Variants in PDZRN3 observed in about 807,000 individuals in gnomAD.
PDZRN3 encodes E3 ubiquitin-protein ligase PDZRN3.
In PDZRN3, 38 loss-of-function variants were observed where a neutral mutation model predicts 85.7. The ratio of observed to expected loss-of-function variants is 0.44; its 90% CI spans 0.34 to 0.58. The LOEUF (loss-of-function observed/expected upper bound fraction) is 0.58. Among genes scored for constraint, PDZRN3 ranks in the 20% least tolerant of loss-of-function variants. The pLI, the probability that PDZRN3 is intolerant of heterozygous loss-of-function variation, is 0.01. For synonymous variants in PDZRN3, 759 were observed against 638.0 expected, an observed-to-expected ratio of 1.19 and a Z score of -2.86; for missense variants, 1,629 against 1,506.4, an observed-to-expected ratio of 1.08 and a Z score of -1.35.
At chr3:73,449,617 GAAC>G (rs1559685608) in intron 3 of PDZRN3, among the ~76,000 whole-genome samples, 2 of 152,050 alleles carry the variant, frequency 1.3e-5, no homozygotes. Context: ...TTAAATAAGC[GAAC>G]AACGCGTGTA....
At chr3:73,387,467 C>T (rs141289126) in intron 8 of PDZRN3, among the ~76,000 whole-genome samples, 297 of 152,324 alleles carry the variant, frequency 1.9e-3, no homozygotes, top group African/African-American at 7.0e-3. Flanking sequence ...TGGGAACTTC[C>T]ATCTCCTGGG....
At chr3:73,498,556 G>A (rs1432251664) in intron 3 of PDZRN3, among the ~76,000 whole-genome samples, 1 of 151,878 alleles carries the variant, frequency 6.6e-6, no homozygotes, top group Non-Finnish European at 1.5e-5. Context: ...AGGAGAAAGG[G>A]GGAGATGCTC....
In PDZRN3 at chr3:73,498,315, A is replaced by G. The variant is rs570575198; in HGVS notation, c.919-93920T>C. Among the ~76,000 whole-genome samples the G allele has an allele frequency of 4.6e-5, 7 of 152,288 alleles. No homozygotes were observed. The East Asian group carries it at 1.2e-3, about 25-fold the overall frequency. The stretch of plus-strand genomic sequence containing the variant: ...AGCTCCTGGCCTTCCCAGCTGGGAT[A>G]AGTAGACATTCAGTGGTTAGTGTTG... On this transcript the variant is annotated intron_variant, in intron 3 of 9. Transcript: ENST00000263666.
At chr3:73,572,883 T>C (rs1207698462) in intron 3 of PDZRN3, among the ~76,000 whole-genome samples, 1 of 152,104 alleles carries the variant, frequency 6.6e-6, no homozygotes, top group Admixed American at 6.5e-5. Flanking sequence ...TGGAAAAAAT[T>C]GTTGGAATTT....
At chr3:73,568,921 G>C (rs1701998258) in intron 3 of PDZRN3, among the ~76,000 whole-genome samples, 1 of 152,208 alleles carries the variant, frequency 6.6e-6, no homozygotes, top group African/African-American at 2.4e-5. Context: ...CAGTCTTTAA[G>C]AGAGATTTGC....
chr3:73,525,318 G>A (rs1281706054), intron 3 of PDZRN3, among the ~76,000 whole-genome samples: 3 of 152,072 alleles, frequency 2.0e-5, no homozygotes, highest in Non-Finnish European at 4.4e-5. Flanking sequence ...TATATGCAGA[G>A]GAATGCCATG....
intron 5 of PDZRN3, among the ~76,000 whole-genome samples, chr3:73,400,101 G>A (rs1284598376): frequency 5.3e-5 from 8 of 152,140 alleles, no homozygotes; most frequent in Non-Finnish European, 1.0e-4. Context: ...TTTTTCCTGG[G>A]TGACCTTTTG....
rs1333080848 is a variant in PDZRN3, at chr3:73,624,176, T to C, written c.650A>G (p.Gln217Arg). 4 of 1,503,086 alleles carry C rather than the reference T, an allele frequency of 2.7e-6. No individual in the cohort carries two copies. The highest frequency in any genetic ancestry group is 1.4e-5 in the African/African-American group (1 of 69,264). 93.1% of individuals were successfully genotyped at this position (1,503,086 alleles called of 1,614,324 possible). ...LELQMTALRYQKKFTEYSARL... is the reference protein window; with the variant it reads ...LELQMTALRYRKKFTEYSARL... ...CGCGCTGTATTCGGTGAATTTCTTC[T>C]GGTAGCGCAGCGCGGTCATCTGCAG... The change falls in exon 1 of 10, where the codon CAG becomes CGG. Residue 217 changes from glutamine (Q) to arginine (R), a missense_variant. Gln to Arg is a conservative substitution (Grantham distance 43). Coordinates refer to ENST00000263666, the MANE Select transcript of PDZRN3 (RefSeq NM_015009.3).
chr3:73,455,213 T>A (rs1702954918), intron 3 of PDZRN3, among the ~76,000 whole-genome samples: 1 of 152,204 alleles, frequency 6.6e-6, no homozygotes, highest in South Asian at 2.1e-4. Context: ...TTAAGTACCA[T>A]TTGTTATTTC....
intron 3 of PDZRN3, among the ~76,000 whole-genome samples, chr3:73,444,342 G>C (rs1702706434): frequency 6.6e-6 from 1 of 152,166 alleles, no homozygotes; most frequent in African/African-American, 2.4e-5. Context: ...CCAGTTTCTT[G>C]AGGGCATGTC....
chr3:73,488,484 T>G (rs1206928910), intron 3 of PDZRN3, among the ~76,000 whole-genome samples: 1 of 152,138 alleles, frequency 6.6e-6, no homozygotes, highest in Admixed American at 6.5e-5. Context: ...GGAACAATCT[T>G]CCCAGCTCTT....
At chr3:73,476,631 C>T (rs1703456561) in intron 3 of PDZRN3, among the ~76,000 whole-genome samples, 1 of 152,224 alleles carries the variant, frequency 6.6e-6, no homozygotes, top group African/African-American at 2.4e-5. Context: ...ATAAAAGACA[C>T]CGCATCTTCC....
chr3:73,493,339 G>C (rs1057320541), intron 3 of PDZRN3, among the ~76,000 whole-genome samples: 1 of 152,206 alleles, frequency 6.6e-6, no homozygotes, highest in African/African-American at 2.4e-5. Flanking sequence ...ACTGGGAAGA[G>C]AGACAGTGAC....
chr3:73,518,149 T>C (rs1704287257), intron 3 of PDZRN3, among the ~76,000 whole-genome samples: 2 of 152,192 alleles, frequency 1.3e-5, no homozygotes, highest in Non-Finnish European at 2.9e-5. Context: ...AAATGTGATA[T>C]ACAATGCCAT....
At chr3:73,531,082 C>T (rs1704642476) in intron 3 of PDZRN3, among the ~76,000 whole-genome samples, 2 of 151,922 alleles carry the variant, frequency 1.3e-5, no homozygotes, top group Admixed American at 1.3e-4. Flanking sequence ...AATCCCGTCT[C>T]TACTAAAAAT....
chr3:73,441,522 A>C (rs893376646), intron 3 of PDZRN3, among the ~76,000 whole-genome samples: 1 of 151,982 alleles, frequency 6.6e-6, no homozygotes, highest in African/African-American at 2.4e-5. Flanking sequence ...CAAAACAATC[A>C]CAGACTGAGC....
rs372960897 is a variant in PDZRN3, at chr3:73,510,470, G to T, written c.918+91884C>A. On this transcript the variant is annotated intron_variant, in intron 3 of 9. Transcript: ENST00000263666. ...GCAGTCTAAATATCCAGTTATAGGG[G>T]AATAAATAAAGCATGTGCTCTATGC... 2.1e-4 allele frequency among the ~76,000 whole-genome samples: 32 copies of T among 152,328 alleles called. No individual in the cohort carries two copies. In the South Asian group the frequency reaches 6.0e-3, roughly 29 times the overall value.
chr3:73,549,537 C>G (rs577492872), intron 3 of PDZRN3, among the ~76,000 whole-genome samples: 1 of 152,290 alleles, frequency 6.6e-6, no homozygotes, highest in African/African-American at 2.4e-5. Context: ...AGCAAGTACA[C>G]TCCTGGTAAT....
In PDZRN3 at chr3:73,384,341, T is replaced by C. The variant is rs201798081; in HGVS notation, c.2225A>G (p.Asp742Gly). Reference sequence around the variant, plus strand: ...GGATTTCTCCGGGAGCTCGGTGATATCTGAGAGCTCGTGTCTGCGCACGTC... The same window carrying C: ...GGATTTCTCCGGGAGCTCGGTGATACCTGAGAGCTCGTGTCTGCGCACGTC... ...SIDVRRHELS[D>G]ITELPEKSDK... is the part of the protein sequence containing the mutation. The change falls in exon 10 of 10, where the codon GAT becomes GGT. Residue 742 changes from aspartate to glycine, a missense_variant. By Grantham distance (94) the Asp-to-Gly change is moderately conservative. Coordinates refer to ENST00000263666, the MANE Select transcript of PDZRN3 (RefSeq NM_015009.3). 5 of 1,611,306 alleles carry C rather than the reference T, an allele frequency of 3.1e-6. No individual in the cohort carries two copies. In the African/African-American group the frequency reaches 4.0e-5, roughly 13 times the overall value.
Sources: allele counts gnomAD v4.1 joint callset (sites outside exome capture counted in the v4.1 genomes callset), GRCh38; gene constraint gnomAD v4.1.1; transcripts MANE v1.5; gene names NCBI Gene and HGNC (gene_info 2026-07-23, HGNC 2026-07-21).